RBFOX1: variants seen among roughly 807,000 people sequenced by gnomAD.
The protein encoded by RBFOX1 is RNA binding fox-1 homolog 1.
In RBFOX1, 8 loss-of-function variants were observed where a neutral mutation model predicts 57.7. The ratio of observed to expected loss-of-function variants is 0.14; its 90% confidence interval spans 0.08 to 0.25. The LOEUF is 0.25. Among genes scored for constraint, RBFOX1 ranks in the 10% least tolerant of loss-of-function variants. The pLI is 1.00. For synonymous variants in RBFOX1, 326 were observed against 222.4 expected, an observed-to-expected ratio of 1.47 and a Z score of -4.15; for missense variants, 611 against 548.5, an observed-to-expected ratio of 1.11 and a Z score of -1.14.
chr16:7,312,029 G>A (rs1211128452), intron 4 of RBFOX1, among the ~76,000 whole-genome samples: 1 of 152,176 alleles, frequency 6.6e-6, no homozygotes, highest in Non-Finnish European at 1.5e-5. Context: ...GATGCAAATG[G>A]GAACACTTAG....
intron 3 of RBFOX1, among the ~76,000 whole-genome samples, chr16:5,806,080 G>A (rs867997065): frequency 2.0e-5 from 3 of 152,068 alleles, no homozygotes; most frequent in African/African-American, 7.2e-5. Context: ...TTGTCCCTGA[G>A]GCTTAAAAAA....
intron 3 of RBFOX1, among the ~76,000 whole-genome samples, chr16:5,849,131 G>A (rs964198210): frequency 6.6e-6 from 1 of 152,104 alleles, no homozygotes; most frequent in Non-Finnish European, 1.5e-5. Flanking sequence ...TTGGAGCGTC[G>A]TTGGGGTCAG....
At chr16:6,311,204 A>G (rs2080252798) in intron 1 of RBFOX1, among the ~76,000 whole-genome samples, 3 of 150,934 alleles carry the variant, frequency 2.0e-5, no homozygotes, top group African/African-American at 2.4e-5. Context: ...GCTGAGGCAG[A>G]AGAATCTCTT....
At chr16:6,219,202 C>G (rs1477050540) in intron 1 of RBFOX1, among the ~76,000 whole-genome samples, 1 of 152,216 alleles carries the variant, frequency 6.6e-6, no homozygotes, top group Non-Finnish European at 1.5e-5. Context: ...AGTGCAGTGG[C>G]TCACACCTGT....
intron 2 of RBFOX1, among the ~76,000 whole-genome samples, chr16:6,487,828 C>G (rs913073587): frequency 4.8e-5 from 7 of 145,776 alleles, no homozygotes; most frequent in African/African-American, 1.3e-4. Context: ...ATTCTAGATT[C>G]ATGTTTATCT....
intron 4 of RBFOX1, among the ~76,000 whole-genome samples, chr16:7,112,118 C>A (rs893518988): frequency 6.6e-6 from 1 of 152,112 alleles, no homozygotes; most frequent in Non-Finnish European, 1.5e-5. Flanking sequence ...ATGCGTTAGA[C>A]CAAGTGTTGA....
intron 1 of RBFOX1, among the ~76,000 whole-genome samples, chr16:5,278,746 A>G (rs1464119597): frequency 1.3e-5 from 2 of 152,130 alleles, no homozygotes; most frequent in Admixed American, 1.3e-4. Context: ...TCTTTAATCA[A>G]TTTTGAGTTT....
At chr16:7,397,799 G>C (rs755567364) in intron 4 of RBFOX1, among the ~76,000 whole-genome samples, 2 of 152,250 alleles carry the variant, frequency 1.3e-5, no homozygotes, top group African/African-American at 2.4e-5. Context: ...GTGTTAAAGA[G>C]TTCTGGGTTC....
At chr16:6,292,986 T>C (rs2077629393) in intron 1 of RBFOX1, among the ~76,000 whole-genome samples, 1 of 152,114 alleles carries the variant, frequency 6.6e-6, no homozygotes, top group Admixed American at 6.5e-5. Flanking sequence ...GTCCCCAGGG[T>C]ACTTACAATT....
At chr16:7,497,367 C>G (rs1317988089) in intron 4 of RBFOX1, among the ~76,000 whole-genome samples, 2 of 152,158 alleles carry the variant, frequency 1.3e-5, no homozygotes, top group Non-Finnish European at 2.9e-5. Flanking sequence ...ATCATCTCCT[C>G]AAGATTCCTC....
chr16:7,064,945 T>C (rs2055581853), intron 4 of RBFOX1, among the ~76,000 whole-genome samples: 1 of 152,170 alleles, frequency 6.6e-6, no homozygotes, highest in Non-Finnish European at 1.5e-5. Context: ...TGGACTCCCT[T>C]GGGGGATAGA....
chr16:5,331,095 AG>A (rs2064742273), intron 1 of RBFOX1, among the ~76,000 whole-genome samples: 1 of 152,270 alleles, frequency 6.6e-6, no homozygotes, highest in Admixed American at 6.5e-5. Flanking sequence ...AAGGGGAGAG[AG>A]GGAGGTAAAC....
chr16:7,181,856 C>G (rs530166387), intron 4 of RBFOX1, among the ~76,000 whole-genome samples: 1 of 152,102 alleles, frequency 6.6e-6, no homozygotes, highest in Non-Finnish European at 1.5e-5. Flanking sequence ...ACACCATACC[C>G]GGGCCCCAGA....
At chr16:6,209,426 G>C (rs1484131747) in intron 1 of RBFOX1, among the ~76,000 whole-genome samples, 1 of 152,110 alleles carries the variant, frequency 6.6e-6, no homozygotes, top group Non-Finnish European at 1.5e-5. Flanking sequence ...AAACTTCCTT[G>C]TTAATCCGTC....
intron 12 of RBFOX1, among the ~76,000 whole-genome samples, chr16:7,663,358 ACCT>A (rs1038219300): frequency 6.6e-6 from 1 of 151,918 alleles, no homozygotes. Context: ...ATTCCTACCA[ACCT>A]CCTTAGTGTG....
intron 1 of RBFOX1, among the ~76,000 whole-genome samples, chr16:5,246,218 C>G (rs1479241503): frequency 1.3e-5 from 2 of 152,088 alleles, no homozygotes; most frequent in Non-Finnish European, 2.9e-5. Context: ...CTTCAGCCAG[C>G]CTGGGTGACA....
At chr16:5,667,376 A>G (rs896655102) in intron 3 of RBFOX1, among the ~76,000 whole-genome samples, 1 of 152,186 alleles carries the variant, frequency 6.6e-6, no homozygotes, top group African/African-American at 2.4e-5. Context: ...TCTATGGCAC[A>G]TTGCCATTTG....
intron 3 of RBFOX1, among the ~76,000 whole-genome samples, chr16:6,748,370 A>C (rs531952572): frequency 5.9e-5 from 9 of 152,022 alleles, no homozygotes; most frequent in African/African-American, 1.9e-4. Context: ...TATGAGCACA[A>C]ATTATTTGGG....
intron 3 of RBFOX1, among the ~76,000 whole-genome samples, chr16:6,823,360 G>A (rs964249603): frequency 2.0e-5 from 3 of 151,752 alleles, no homozygotes; most frequent in South Asian, 2.1e-4. Flanking sequence ...GGATTCAAGT[G>A]ATTCTCCTGC....
Sources: gnomAD v4.1 joint callset for allele counts (sites outside exome capture counted in the v4.1 genomes callset) on GRCh38, gnomAD v4.1.1 for gene constraint, MANE v1.5 for transcripts, NCBI Gene and HGNC (gene_info 2026-07-23, HGNC 2026-07-21) for gene names.